The following CLEC12B variants were observed in gnomAD, a reference collection of about 807,000 sequenced individuals.
The protein encoded by CLEC12B is macrophage antigen h.
A neutral mutation model predicts 36.1 loss-of-function variants in CLEC12B; 25 were observed. That is an observed-to-expected ratio of 0.69 (90% CI 0.50 to 0.97). The LOEUF is 0.97. Ranked by LOEUF, CLEC12B falls within the 50% of genes least tolerant of loss-of-function variation. The probability of loss-of-function intolerance (pLI) is 0.00; values close to 1 mark genes in which losing one functional copy is unlikely to be tolerated. For synonymous variants in CLEC12B, 110 were observed against 108.5 expected (o/e 1.01, Z -0.09); for missense variants, 325 against 318.4 (o/e 1.02, Z -0.16).
intron 5 of CLEC12B, chr12:10,017,376 G>A: frequency 1.0e-6 from 1 of 985,404 alleles, no homozygotes; most frequent in African/African-American, 1.7e-5. Flanking sequence ...GTAGTACTAT[G>A]ACATCATGTA....
intron 3 of CLEC12B, 21 bp downstream of exon 3, chr12:10,014,762 T>C: frequency 6.4e-7 from 1 of 1,552,024 alleles, no homozygotes; most frequent in Non-Finnish European, 8.9e-7. Context: ...TTAGTCCTGC[T>C]GACCAGTCAG....
Position 10,014,639 on chromosome 12 carries a change from T to C in CLEC12B, c.307T>C (p.Ser103Pro). 1.2e-6 allele frequency: 2 copies of C among 1,613,544 alleles called. No individual in the cohort carries two copies. The highest frequency in any genetic ancestry group is 1.7e-6 in the Non-Finnish European group (2 of 1,179,522). Reference sequence around the variant, plus strand: ...GCAACTGGGCAACTCCAACAACTTGTCCATGGAGGAGGAATTTCTCAAGTC... The same window carrying C: ...GCAACTGGGCAACTCCAACAACTTGCCCATGGAGGAGGAATTTCTCAAGTC... ...SQQLGNSNNL[S>P]MEEEFLKSQI... The change falls in exon 3 of 6, where the codon TCC becomes CCC. Residue 103 changes from serine (S) to proline (P), a missense_variant. Transcript: ENST00000338896.
In CLEC12B at chr12:10,015,369, A is replaced by G. The variant is rs1865457868; in HGVS notation, c.527A>G (p.Asn176Ser). ...ANSRKDCIDK[N>S]STLVKIDSLE... ...AGTAGAAAGGACTGCATAGACAAGAACTCCACCCTAGTGAAGATAGACAGT... is the reference window on the plus strand; with the variant it reads ...AGTAGAAAGGACTGCATAGACAAGAGCTCCACCCTAGTGAAGATAGACAGT... Residue 176 changes from asparagine to serine, a missense_variant, in exon 4 of 6, where the codon AAC (asparagine) becomes AGC (serine). By Grantham distance (46) the Asn-to-Ser change is conservative (BLOSUM62 1). Coordinates refer to ENST00000338896, the MANE Select transcript of CLEC12B (RefSeq NM_001129998.3). 2 of 1,613,090 alleles carry G rather than the reference A, an allele frequency of 1.2e-6. No individual in the cohort carries two copies. The highest frequency in any genetic ancestry group is 2.7e-5 in the African/African-American group (2 of 74,830).
rs566843273 is a variant in CLEC12B at position 10,016,011 on chromosome 12, A to G, written c.680+284A>G. 2.3e-5 allele frequency: 25 copies of G among 1,085,782 alleles called. No homozygotes were observed. The African/African-American group carries it at 4.1e-4, about 18-fold the overall frequency. The allele number at this position is 1,085,782 out of a possible 1,614,324, so 67.3% of individuals were successfully genotyped here. The stretch of plus-strand genomic sequence containing the variant: ...ATTTTATAAATACTAACCCTTGAAG[A>G]AAGCAGTTATATTCCCATTTTATAG... On this transcript the variant is annotated intron_variant, in intron 5 of 5. Transcript: ENST00000338896.
intron 1 of CLEC12B, among the ~76,000 whole-genome samples, chr12:10,012,538 G>T (rs559247105): frequency 1.1e-4 from 16 of 152,082 alleles, no homozygotes; most frequent in Non-Finnish European, 2.1e-4. Context: ...TCTCCTAAAG[G>T]TATGCCTCCC....
upstream of CLEC12B, among the ~76,000 whole-genome samples, chr12:10,007,753 G>T (rs776083126): frequency 1.3e-5 from 2 of 152,236 alleles, no homozygotes; most frequent in Non-Finnish European, 2.9e-5. Flanking sequence ...TATGCACAGA[G>T]TAGGTAGGGT....
At position 10,018,544 on chromosome 12, in the gene CLEC12B, G is replaced by A; in HGVS notation, c.*63G>A. On this transcript the variant is annotated 3_prime_UTR_variant, in exon 6 of 6. Coordinates refer to ENST00000338896, the MANE Select transcript of CLEC12B (RefSeq NM_001129998.3). ...GTGAGTAAGCTCATATGAGGAAAGA[G>A]GAAACTACGGTACCAGAGCCAAACC... 1 of 1,378,792 alleles carries A rather than the reference G, an allele frequency of 7.3e-7. No homozygotes were observed. The highest frequency in any genetic ancestry group is 1.4e-5 in the South Asian group (1 of 73,574). The allele number at this position is 1,378,792 out of a possible 1,614,324, so 85.4% of individuals were successfully genotyped here. A position where few individuals can be genotyped will look rare whatever the true frequency, so the allele number is the denominator to read the frequency against.
At position 10,018,362 on chromosome 12, in the gene CLEC12B, G is replaced by A; in HGVS notation, c.712G>A (p.Gly238Arg). Residue 238 changes from glycine (G) to arginine (R), a missense_variant, in exon 6 of 6, where the codon GGA becomes AGA. Coordinates refer to ENST00000338896, the MANE Select transcript of CLEC12B (RefSeq NM_001129998.3). ...FSTKELDQINGSKGCAYFQKG... is the reference protein window; with the variant it reads ...FSTKELDQINRSKGCAYFQKG... Reference sequence around the variant, plus strand: ...TACTAAAGAACTTGACCAGATCAATGGATCCAAAGGATGTGCTTATTTTCA... The same window carrying A: ...TACTAAAGAACTTGACCAGATCAATAGATCCAAAGGATGTGCTTATTTTCA... The A allele has an allele frequency of 6.6e-7, 1 of 1,517,888 alleles. No individual in the cohort carries two copies. 94.0% of individuals were successfully genotyped at this position (1,517,888 alleles called of 1,614,324 possible).
chr12:10,015,747 G>A lies in CLEC12B; in HGVS notation c.680+20G>A. 1 of 1,608,150 alleles carries A rather than the reference G, an allele frequency of 6.2e-7. No homozygotes were observed. Among genetic ancestry groups the A allele is most frequent in the South Asian group, 1.1e-5 (1 of 89,378 alleles). The stretch of plus-strand genomic sequence containing the variant: ...ATCCTTGTACGTCTCTAACTATTGA[G>A]GGTAAACACAAGCTTTCCATGGAAT... On this transcript the variant is annotated intron_variant, in intron 5 of 5. Transcript: ENST00000338896.
chr12:10,017,667 G>A, intron 5 of CLEC12B: 1 of 978,204 alleles, frequency 1.0e-6, no homozygotes, highest in Non-Finnish European at 1.2e-6. Flanking sequence ...TAGCCCTGAA[G>A]CAAGCAAAGA....
At chr12:10,010,202 A>T (rs10845018), upstream of CLEC12B, among the ~76,000 whole-genome samples, 5,762 of 28,696 alleles carry the variant, frequency 0.2, 160 homozygotes, top group South Asian at 0.36. Flanking sequence ...TCTCTCTCTC[A>T]CACACACACA....
chr12:10,016,394 A>G (rs997402795), intron 5 of CLEC12B: 3 of 153,348 alleles, frequency 2.0e-5, no homozygotes, highest in African/African-American at 7.2e-5. Flanking sequence ...AGAATATATA[A>G]CACTTGGAAA....
At chr12:10,012,635 C>G in intron 1 of CLEC12B, 150 bp from the exon 2 acceptor site, 1 of 606,848 alleles carries the variant, frequency 1.6e-6, no homozygotes, top group Non-Finnish European at 2.9e-6. Context: ...CATTGCACTT[C>G]ATATTAGGTA....
chr12:10,013,068 G>A (rs1449239272), intron 2 of CLEC12B, 185 bp downstream of exon 2: 3 of 603,340 alleles, frequency 5.0e-6, no homozygotes, highest in Non-Finnish European at 8.8e-6. Context: ...TCAGGATTTG[G>A]TTCTAAATTC....
chr12:10,008,665 T>C (rs931835430), upstream of CLEC12B, among the ~76,000 whole-genome samples: 16 of 152,218 alleles, frequency 1.1e-4, no homozygotes, highest in Admixed American at 2.6e-4. Context: ...CTAATAATGA[T>C]AGATGATATA....
chr12:10,008,471 G>C (rs960885682), upstream of CLEC12B, among the ~76,000 whole-genome samples: 12 of 152,042 alleles, frequency 7.9e-5, no homozygotes, highest in African/African-American at 2.9e-4. Context: ...ATCATGATAG[G>C]AGTAGAGATC....
At chr12:10,006,810 C>T (rs774920852), upstream of CLEC12B, among the ~76,000 whole-genome samples, 11 of 152,210 alleles carry the variant, frequency 7.2e-5, no homozygotes, top group Admixed American at 4.6e-4. Context: ...AATCTCAGCA[C>T]TTTGGGAGGC....
chr12:10,015,472 C>G, intron 4 of CLEC12B, 66 bp downstream of exon 4: 1 of 1,561,496 alleles, frequency 6.4e-7, no homozygotes, highest in Non-Finnish European at 8.7e-7. Flanking sequence ...ATAAATAAAA[C>G]ATCTGATTCA....
chr12:10,015,313 T>C lies in CLEC12B; in HGVS notation c.471T>C (p.Phe157=), dbSNP rs952111419. The change falls in exon 4 of 6, where the codon TTT becomes TTC. Residue 157 remains phenylalanine (F), a synonymous_variant. Transcript: ENST00000338896. Reference sequence around the variant, plus strand: ...GGTACCAAAATAGTTGCTACTATTTTACAACAAATGAGGAGAAAACCTGGG... The same window carrying C: ...GGTACCAAAATAGTTGCTACTATTTCACAACAAATGAGGAGAAAACCTGGG... ...WQWYQNSCYY[F]TTNEEKTWAN... 11 of 1,613,538 alleles carry C rather than the reference T, an allele frequency of 6.8e-6. No individual in the cohort carries two copies. Among genetic ancestry groups the C allele is most frequent in the Non-Finnish European group, 7.6e-6 (9 of 1,179,576 alleles).
Sources: allele counts gnomAD v4.1 joint callset (sites outside exome capture counted in the v4.1 genomes callset), GRCh38; gene constraint gnomAD v4.1.1; transcripts MANE v1.5; gene names NCBI Gene and HGNC (gene_info 2026-07-23, HGNC 2026-07-21).